Variants in FAM161A observed in about 807,000 individuals in gnomAD.
FAM161A encodes protein FAM161A.
A neutral mutation model predicts 70.9 loss-of-function variants in FAM161A; 57 were observed. That is an observed-to-expected ratio of 0.80 (90% confidence interval 0.65 to 1.00). The LOEUF is 1.00. FAM161A is among the 50% of genes least tolerant of loss of function. The pLI is 0.00. For missense variants in FAM161A, 880 were observed against 836.0 expected, an observed-to-expected ratio of 1.05 and a Z score of -0.65; for synonymous variants, 299 against 295.7, an observed-to-expected ratio of 1.01 and a Z score of -0.12.
At chr2:61,800,840 G>A in the FAM161A span, among the ~76,000 whole-genome samples, 2 of 152,120 alleles carry the variant, frequency 1.3e-5, no homozygotes, top group Non-Finnish European at 2.9e-5. Context: ...GTCTCACTCT[G>A]TCACCAGGAT....
the FAM161A span, among the ~76,000 whole-genome samples, chr2:61,804,896 C>G: frequency 3.3e-5 from 5 of 152,022 alleles, no homozygotes; most frequent in Non-Finnish European, 1.5e-5. Context: ...AACCTCCTAA[C>G]AGATCCCTGA....
rs1407975553 is a variant in FAM161A, at chr2:61,842,151, G to A, written c.393C>T (p.Ile131=). The change falls in exon 2 of 7, where the codon ATC becomes ATT. Residue 131 remains isoleucine (I), a synonymous_variant. Coordinates refer to ENST00000404929, the MANE Select transcript of FAM161A (RefSeq NM_001201543.2). ...AAGAGTCACTAAGAGAGTCTTCTCTGATGACCACTGGCTGAACTTCCTTTA... is the reference window on the plus strand; with the variant it reads ...AAGAGTCACTAAGAGAGTCTTCTCTAATGACCACTGGCTGAACTTCCTTTA... ...LHLKEVQPVV[I]REDSLSDSSR... is the part of the protein sequence containing the mutation. 6.2e-7 allele frequency: 1 copy of A among 1,610,084 alleles called. No homozygotes were observed. Among genetic ancestry groups the A allele is most frequent in the East Asian group, 2.2e-5 (1 of 44,856 alleles).
rs750307146 is a variant in FAM161A at position 61,842,254 on chromosome 2, T to A, written c.290A>T (p.Lys97Met). 6.2e-7 allele frequency: 1 copy of A among 1,613,384 alleles called. No homozygotes were observed. Among genetic ancestry groups the A allele is most frequent in the Non-Finnish European group, 8.5e-7 (1 of 1,179,318 alleles). Residue 97 changes from lysine to methionine, a missense_variant, in exon 2 of 7, where the codon AAG becomes ATG. Physicochemically the swap from Lys to Met is moderately conservative, Grantham distance 95. Coordinates refer to ENST00000404929, the MANE Select transcript of FAM161A (RefSeq NM_001201543.2). ...GGCAGCCTTCAACTCTTCTACTTTC[T>A]TGAAATACTCCTCATTAGAGTGGTG... ...DIHHSNEEYF[K>M]KVEELKAAHI...
the FAM161A span, among the ~76,000 whole-genome samples, chr2:61,818,532 C>T: frequency 1.3e-5 from 2 of 152,096 alleles, no homozygotes; most frequent in Admixed American, 1.3e-4. Flanking sequence ...ACACACAAAC[C>T]AGCTTGTAGG....
At chr2:61,800,883 A>G in the FAM161A span, among the ~76,000 whole-genome samples, 10 of 152,088 alleles carry the variant, frequency 6.6e-5, no homozygotes, top group Admixed American at 4.6e-4. Flanking sequence ...AGCTCACTGC[A>G]CACTGTATCT....
downstream of FAM161A, among the ~76,000 whole-genome samples, chr2:61,824,281 A>G (rs550827556): frequency 3.4e-5 from 5 of 146,476 alleles, no homozygotes; most frequent in East Asian, 8.1e-4. Flanking sequence ...CTCATAATCC[A>G]CCCATCTCGG....
chr2:61,842,304 C>T lies in FAM161A; in HGVS notation c.240G>A (p.Glu80=). 2.5e-6 allele frequency: 4 copies of T among 1,604,328 alleles called. No individual in the cohort carries two copies. Among genetic ancestry groups the T allele is most frequent in the Non-Finnish European group, 3.4e-6 (4 of 1,174,532 alleles). Residue 80 remains glutamate, a synonymous_variant, in exon 2 of 7, where the codon GAG becomes GAA. Coordinates refer to ENST00000404929, the MANE Select transcript of FAM161A (RefSeq NM_001201543.2). ...GAATATCAGGAAAGTTCACAAAGTC[C>T]TCATAGCTTATCGGTGCATGTTCAT... is the stretch of plus-strand genomic sequence containing the variant. ...GVDEHAPISY[E]DFVNFPDIHH...
chr2:61,828,327 TTC>T (rs1672451344), intron 5 of FAM161A, among the ~76,000 whole-genome samples: 1 of 148,134 alleles, frequency 6.8e-6, no homozygotes, highest in African/African-American at 2.5e-5. Context: ...TGTCAGAGGA[TTC>T]TTTTTCCTTT....
rs1024830823 is a variant in FAM161A, at chr2:61,825,535, G to A, written c.*920C>T. The stretch of plus-strand genomic sequence containing the variant: ...TACAAATCAAAAATAATTTGGACTA[G>A]AACTAAGGATAAAAAGAAAAAGGGA... On this transcript the variant is annotated 3_prime_UTR_variant, in exon 7 of 7. Coordinates refer to ENST00000404929, the MANE Select transcript of FAM161A (RefSeq NM_001201543.2). 48 of 439,608 alleles carry A rather than the reference G, an allele frequency of 1.1e-4. No homozygotes were observed. In the Middle Eastern group the frequency reaches 2.2e-3, roughly 20 times the overall value. 27.2% of individuals were successfully genotyped at this position (439,608 alleles called of 1,614,324 possible).
the FAM161A span, among the ~76,000 whole-genome samples, chr2:61,806,480 A>T: frequency 6.6e-6 from 1 of 152,118 alleles, no homozygotes; most frequent in African/African-American, 2.4e-5. Context: ...AGGGAAAATT[A>T]ATCATGTTTT....
intron 1 of FAM161A, among the ~76,000 whole-genome samples, chr2:61,843,369 T>C (rs887840337): frequency 6.6e-6 from 1 of 152,134 alleles, no homozygotes; most frequent in Non-Finnish European, 1.5e-5. Context: ...TCAGGTGATC[T>C]ACTCGCCTCG....
the FAM161A span, among the ~76,000 whole-genome samples, chr2:61,807,858 C>G: frequency 2.0e-5 from 3 of 152,106 alleles, no homozygotes; most frequent in African/African-American, 7.2e-5. Flanking sequence ...CCAGGCTGGT[C>G]TCAAACTCCA....
the FAM161A span, chr2:61,803,189 C>T: frequency 1.9e-6 from 1 of 540,222 alleles, no homozygotes; most frequent in Non-Finnish European, 3.5e-6. Context: ...GTGCCTAAGA[C>T]AGAAATTCAG....
At chr2:61,847,571 G>C (rs1437232088) in intron 1 of FAM161A, among the ~76,000 whole-genome samples, 1 of 152,126 alleles carries the variant, frequency 6.6e-6, no homozygotes, top group Non-Finnish European at 1.5e-5. Flanking sequence ...AGGAGTTTCA[G>C]ACCAGCCTGG....
At position 61,854,046 on chromosome 2, in the gene FAM161A, C is replaced by G; in HGVS notation, c.-5G>C. On this transcript the variant is annotated 5_prime_UTR_variant, in exon 1 of 7. Coordinates refer to ENST00000404929, the MANE Select transcript of FAM161A (RefSeq NM_001201543.2). ...CACTCGGTGGGAGGTGGCCATCGCC[C>G]CGCCTCCGAGGCCTGAGCGCCTGCG... The G allele has an allele frequency of 6.2e-7, 1 of 1,601,234 alleles. No homozygotes were observed. The highest frequency in any genetic ancestry group is 8.5e-7 in the Non-Finnish European group (1 of 1,174,320).
At chr2:61,804,438 A>G in the FAM161A span, among the ~76,000 whole-genome samples, 2 of 151,880 alleles carry the variant, frequency 1.3e-5, no homozygotes, top group Admixed American at 6.6e-5. Context: ...TGACACCAGC[A>G]TGTTGGGAGG....
At chr2:61,801,010 G>C in the FAM161A span, among the ~76,000 whole-genome samples, 1 of 151,756 alleles carries the variant, frequency 6.6e-6, no homozygotes, top group East Asian at 2.0e-4. Flanking sequence ...GGCCAGGCTG[G>C]TCTTGAACTC....
chr2:61,844,331 C>T lies in FAM161A; in HGVS notation c.184-1971G>A, dbSNP rs528306341. 5.3e-5 allele frequency among the ~76,000 whole-genome samples: 8 copies of T among 152,190 alleles called. No individual in the cohort carries two copies. In the South Asian group the frequency reaches 1.5e-3, roughly 28 times the overall value. ...TGCAGGATGACTACTTTGTGAATTT[C>T]CTCATTCATTAAATATTTGGGGGCC... is the stretch of plus-strand genomic sequence containing the variant. On this transcript the variant is annotated intron_variant, in intron 1 of 6. Transcript: ENST00000404929.
the FAM161A span, among the ~76,000 whole-genome samples, chr2:61,814,325 T>C: frequency 1.3e-5 from 2 of 152,218 alleles, no homozygotes; most frequent in Non-Finnish European, 1.5e-5. Flanking sequence ...TTTAACTGCT[T>C]TCTGCTCACT....
Sources: gnomAD v4.1 joint callset for allele counts (sites outside exome capture counted in the v4.1 genomes callset) on GRCh38, gnomAD v4.1.1 for gene constraint, MANE v1.5 for transcripts, NCBI Gene and HGNC (gene_info 2026-07-23, HGNC 2026-07-21) for gene names.